The following FAXC variants were observed in gnomAD, a reference collection of about 807,000 sequenced individuals.
FAXC encodes failed axon connections homolog.
In FAXC, 10 loss-of-function variants were observed where a neutral mutation model predicts 41.9. The ratio of observed to expected loss-of-function variants is 0.24; its 90% CI spans 0.15 to 0.41. The LOEUF (loss-of-function observed/expected upper bound fraction) is 0.41. FAXC is among the 10% of genes least tolerant of loss of function. The pLI is 1.00. For missense variants in FAXC, 399 were observed against 510.9 expected (o/e 0.78, Z 2.11); for synonymous variants, 183 against 183.8 (o/e 1.00, Z 0.03).
At chr6:99,329,997 C>G (rs999222161) in intron 3 of FAXC, among the ~76,000 whole-genome samples, 1 of 151,454 alleles carries the variant, frequency 6.6e-6, no homozygotes, top group Admixed American at 6.6e-5. Context: ...CTCCTGGGCT[C>G]AAAAGATCCT....
intron 4 of FAXC, chr6:99,310,059 G>A (rs1000223705): frequency 5.5e-6 from 1 of 182,494 alleles, no homozygotes; most frequent in East Asian, 1.9e-4. Flanking sequence ...TCTCGGAGCT[G>A]TTTTAAGACC....
intron 4 of FAXC, among the ~76,000 whole-genome samples, chr6:99,294,993 TC>T (rs1441932582): frequency 6.6e-5 from 10 of 152,202 alleles, no homozygotes; most frequent in African/African-American, 2.4e-4. Context: ...GCTCTCGGTC[TC>T]CACAATGTGC....
At chr6:99,316,477 A>G (rs1772360593) in intron 4 of FAXC, among the ~76,000 whole-genome samples, 1 of 152,206 alleles carries the variant, frequency 6.6e-6, no homozygotes, top group Non-Finnish European at 1.5e-5. Context: ...TGCCAGAGCT[A>G]TAAGAGGGCC....
intron 4 of FAXC, among the ~76,000 whole-genome samples, chr6:99,306,813 C>T (rs1378238459): frequency 1.3e-5 from 2 of 152,142 alleles, no homozygotes; most frequent in Non-Finnish European, 2.9e-5. Context: ...TCGTTGTGAG[C>T]ATGAAATAAG....
At chr6:99,306,548 G>A (rs750518138) in intron 4 of FAXC, among the ~76,000 whole-genome samples, 54 of 152,252 alleles carry the variant, frequency 3.5e-4, no homozygotes, top group Non-Finnish European at 6.5e-4. Flanking sequence ...GGGAGTGTGC[G>A]GAGATAAATA....
chr6:99,297,645 GTA>G (rs1378808964), intron 4 of FAXC, among the ~76,000 whole-genome samples: 4 of 152,186 alleles, frequency 2.6e-5, no homozygotes, highest in Admixed American at 1.3e-4. Flanking sequence ...TGGGGAGGAT[GTA>G]TGAGAGCTGA....
chr6:99,307,419 C>T lies in FAXC; in HGVS notation c.824-15599G>A, dbSNP rs546735970. Among the ~76,000 whole-genome samples the T allele has an allele frequency of 5.3e-5, 8 of 152,208 alleles. No individual in the cohort carries two copies. The South Asian group carries it at 1.5e-3, about 28-fold the overall frequency. On this transcript the variant is annotated intron_variant, in intron 4 of 5. Coordinates refer to ENST00000389677, the MANE Select transcript of FAXC (RefSeq NM_032511.4). ...TGAGCCGATGGGGCTGACTCCCAGA[C>T]GGATGAGGTGAGTGAAAGGCTGGGG...
In FAXC at chr6:99,280,143, A is replaced by C. The variant is rs1770773705; in HGVS notation, c.*1021T>G. 1 of 152,250 alleles carries C rather than the reference A, an allele frequency of 6.6e-6. No individual in the cohort carries two copies. The highest frequency in any genetic ancestry group is 1.9e-4 in the East Asian group (1 of 5,200). 9.4% of individuals were successfully genotyped at this position (152,250 alleles called of 1,614,324 possible). On this transcript the variant is annotated 3_prime_UTR_variant, in exon 6 of 6. Coordinates refer to ENST00000389677, the MANE Select transcript of FAXC (RefSeq NM_032511.4). ...ATGCCAGGGTGAGTTCAGGCAATGA[A>C]AGAACCACTTTTCTGCAAATACATG...
At position 99,349,269 on chromosome 6, in the gene FAXC, G is replaced by T; in HGVS notation, c.104C>A (p.Pro35His). 6.2e-7 allele frequency: 1 copy of T among 1,613,670 alleles called. No homozygotes were observed. Among genetic ancestry groups the T allele is most frequent in the South Asian group, 1.1e-5 (1 of 91,086 alleles). Residue 35 changes from proline to histidine, a missense_variant, in exon 1 of 6, where the codon CCC (proline) becomes CAC (histidine). Coordinates refer to ENST00000389677, the MANE Select transcript of FAXC (RefSeq NM_032511.4). ...FFGWWAGSEE[P>H]FSFYGDIIAF... Reference sequence around the variant, plus strand: ...GATGATGTCCCCATAAAAGGAGAAGGGCTCCTCGGACCCGGCCCACCAGCC... The same window carrying T: ...GATGATGTCCCCATAAAAGGAGAAGTGCTCCTCGGACCCGGCCCACCAGCC...
At chr6:99,317,661 TTC>T (rs920241253) in intron 4 of FAXC, among the ~76,000 whole-genome samples, 1 of 152,226 alleles carries the variant, frequency 6.6e-6, no homozygotes, top group Non-Finnish European at 1.5e-5. Context: ...TGCCTCGTTT[TTC>T]TTATCTGTCA....
intron 5 of FAXC, chr6:99,284,154 C>T (rs1425014381): frequency 6.6e-6 from 1 of 152,240 alleles, no homozygotes; most frequent in Non-Finnish European, 1.5e-5. Flanking sequence ...TTCACCTCCA[C>T]TCAACTCTCT....
chr6:99,302,504 A>G (rs1771752473), intron 4 of FAXC, among the ~76,000 whole-genome samples: 1 of 152,054 alleles, frequency 6.6e-6, no homozygotes, highest in South Asian at 2.1e-4. Flanking sequence ...AAAAATACAA[A>G]AATTAGCTGG....
chr6:99,321,504 GA>G (rs1285637767), intron 4 of FAXC, among the ~76,000 whole-genome samples: 1 of 152,072 alleles, frequency 6.6e-6, no homozygotes, highest in African/African-American at 2.4e-5. Context: ...CCCAAATATA[GA>G]AAAAGTGCTT....
chr6:99,336,583 A>T (rs1466299653), intron 2 of FAXC, among the ~76,000 whole-genome samples: 3 of 152,232 alleles, frequency 2.0e-5, no homozygotes. Context: ...AGTCTGCCCC[A>T]GGTGAGACTG....
At chr6:99,327,612 C>T (rs1359491127) in intron 3 of FAXC, among the ~76,000 whole-genome samples, 2 of 152,166 alleles carry the variant, frequency 1.3e-5, no homozygotes, top group Non-Finnish European at 2.9e-5. Flanking sequence ...ACTCCACACT[C>T]GTGGAGCCAT....
intron 4 of FAXC, among the ~76,000 whole-genome samples, chr6:99,322,081 C>T (rs924407691): frequency 6.6e-6 from 1 of 152,198 alleles, no homozygotes; most frequent in Non-Finnish European, 1.5e-5. Context: ...GAGGTTAATT[C>T]CATTCACATC....
At chr6:99,330,702 C>T (rs554227899) in intron 3 of FAXC, among the ~76,000 whole-genome samples, 1 of 152,280 alleles carries the variant, frequency 6.6e-6, no homozygotes, top group Admixed American at 6.5e-5. Context: ...ATTAAATTTC[C>T]TCTTCTGGCT....
chr6:99,292,974 T>C (rs1771303744), intron 4 of FAXC, among the ~76,000 whole-genome samples: 1 of 152,130 alleles, frequency 6.6e-6, no homozygotes, highest in African/African-American at 2.4e-5. Context: ...GCCTGGCTAA[T>C]TTTTGTATTT....
chr6:99,308,113 A>C (rs1392751686), intron 4 of FAXC, among the ~76,000 whole-genome samples: 2 of 152,152 alleles, frequency 1.3e-5, no homozygotes, highest in South Asian at 4.1e-4. Flanking sequence ...CCTGGCCAAC[A>C]TGGTGAAACC....
Sources: allele counts gnomAD v4.1 joint callset (sites outside exome capture counted in the v4.1 genomes callset), GRCh38; gene constraint gnomAD v4.1.1; transcripts MANE v1.5; gene names NCBI Gene and HGNC (gene_info 2026-07-23, HGNC 2026-07-21).